Variants in NFATC1 observed in about 807,000 individuals in gnomAD.
NFATC1 encodes the protein nuclear factor of activated T cells 1, also known as nuclear factor of activated T-cells, cytoplasmic 1.
A neutral mutation model predicts 76.0 loss-of-function variants in NFATC1; 22 were observed. The ratio of observed to expected loss-of-function variants is 0.29; its 90% CI spans 0.21 to 0.41. NFATC1 has a LOEUF of 0.41. Ranked by LOEUF, NFATC1 falls within the 10% of genes least tolerant of loss-of-function variation. The pLI is 1.00. For missense variants in NFATC1, 1,357 were observed against 1,337.7 expected (o/e 1.01, Z -0.23); for synonymous variants, 704 against 613.1 (o/e 1.15, Z -2.19).
chr18:79,438,535 G>T (rs1335733452), intron 3 of NFATC1, among the ~76,000 whole-genome samples: 1 of 152,230 alleles, frequency 6.6e-6, no homozygotes, highest in Non-Finnish European at 1.5e-5. Context: ...CATCACACGG[G>T]AGGCCGGGCT....
At chr18:79,408,090 G>A (rs2085504003) in intron 1 of NFATC1, among the ~76,000 whole-genome samples, 1 of 152,212 alleles carries the variant, frequency 6.6e-6, no homozygotes, top group African/African-American at 2.4e-5. Context: ...CTCTTACCAG[G>A]CTGCCGTGCC....
intron 9 of NFATC1, chr18:79,493,479 A>G (rs1403464136): frequency 1.3e-5 from 2 of 152,230 alleles, no homozygotes; most frequent in Middle Eastern, 3.4e-3. Context: ...GGCCTCTGCC[A>G]CGGTCGGCCC....
chr18:79,424,406 C>T (rs1405745465), intron 2 of NFATC1, among the ~76,000 whole-genome samples: 1 of 152,224 alleles, frequency 6.6e-6, no homozygotes, highest in Non-Finnish European at 1.5e-5. Context: ...TGGGGCAGCT[C>T]CAGACACACA....
chr18:79,478,871 C>T (rs1024132678), intron 8 of NFATC1, among the ~76,000 whole-genome samples: 1 of 152,210 alleles, frequency 6.6e-6, no homozygotes, highest in Non-Finnish European at 1.5e-5. Flanking sequence ...ACGGGCCCTC[C>T]GTGCCTTCCA....
chr18:79,450,788 C>T (rs55708448), intron 4 of NFATC1, among the ~76,000 whole-genome samples, 166 bp from the exon 5 acceptor site: 6 of 152,240 alleles, frequency 3.9e-5, no homozygotes, highest in African/African-American at 9.6e-5. Flanking sequence ...AAGGGCCTCA[C>T]GTCGCTGGCT....
chr18:79,526,092 C>T (rs371614736), intron 9 of NFATC1, among the ~76,000 whole-genome samples: 4 of 152,246 alleles, frequency 2.6e-5, no homozygotes, highest in African/African-American at 7.2e-5. Context: ...TTTCTCTCTG[C>T]GTTGTGCCGA....
At chr18:79,397,025 C>T (rs2085030203) in intron 1 of NFATC1, among the ~76,000 whole-genome samples, 1 of 152,226 alleles carries the variant, frequency 6.6e-6, no homozygotes, top group African/African-American at 2.4e-5. Flanking sequence ...AAGTTTCGAG[C>T]TGCTTCTTTA....
chr18:79,418,717 G>C (rs757063683), intron 2 of NFATC1, among the ~76,000 whole-genome samples: 19 of 152,212 alleles, frequency 1.2e-4, no homozygotes, highest in Non-Finnish European at 2.2e-4. Flanking sequence ...TTCTTGAGCC[G>C]CTTCGGTAGC....
At chr18:79,442,001 T>C (rs1291699026) in intron 3 of NFATC1, among the ~76,000 whole-genome samples, 4 of 152,140 alleles carry the variant, frequency 2.6e-5, no homozygotes, top group Non-Finnish European at 5.9e-5. Flanking sequence ...TCCACGTCAG[T>C]GCCCTGGCTC....
chr18:79,434,789 C>T (rs1026221392), intron 3 of NFATC1, among the ~76,000 whole-genome samples: 1 of 152,240 alleles, frequency 6.6e-6, no homozygotes, highest in African/African-American at 2.4e-5. Flanking sequence ...TTTGCCAACG[C>T]AGCAGCCGGC....
At chr18:79,487,660 C>T (rs368434107) in intron 9 of NFATC1, among the ~76,000 whole-genome samples, 6 of 152,210 alleles carry the variant, frequency 3.9e-5, no homozygotes, top group Admixed American at 2.0e-4. Flanking sequence ...GAGTGGTGAC[C>T]GAAGGCGCCG....
intron 9 of NFATC1, among the ~76,000 whole-genome samples, chr18:79,492,698 G>GA (rs1569028088): frequency 6.8e-6 from 1 of 146,480 alleles, no homozygotes. Context: ...GACAGAGCGA[G>GA]ACTCCATCTC....
At chr18:79,467,642 A>G in intron 8 of NFATC1, 60 bp downstream of exon 8, 2 of 1,599,238 alleles carry the variant, frequency 1.3e-6, no homozygotes, top group Non-Finnish European at 1.7e-6. Flanking sequence ...CTTTTTCTAA[A>G]GACGCAGAAA....
intron 1 of NFATC1, among the ~76,000 whole-genome samples, chr18:79,404,503 A>G (rs1026742395): frequency 2.0e-5 from 3 of 152,096 alleles, no homozygotes; most frequent in South Asian, 4.1e-4. Flanking sequence ...TTTATTTCCA[A>G]TACATTCACA....
In NFATC1 at chr18:79,451,976, G is replaced by A. The variant is rs544489309; in HGVS notation, c.1903+160G>A. 87 of 838,706 alleles carry A rather than the reference G, an allele frequency of 1.0e-4. No homozygotes were observed. In the East Asian group the frequency reaches 1.3e-3, roughly 12 times the overall value. The allele number at this position is 838,706 out of a possible 1,614,324, so 52.0% of individuals were successfully genotyped here. A position where few individuals can be genotyped will look rare whatever the true frequency, so the allele number is the denominator to read the frequency against. ...CTCTGCGTGGCCCGTGTCTGCATCC[G>A]GCTGTGGGTTTTTGTGTGAGCCGAC... is the stretch of plus-strand genomic sequence containing the variant. On this transcript the variant is annotated intron_variant, in intron 6 of 9. Transcript: ENST00000427363.
At chr18:79,523,521 T>C (rs1290975301) in intron 9 of NFATC1, among the ~76,000 whole-genome samples, 1 of 152,264 alleles carries the variant, frequency 6.6e-6, no homozygotes, top group Non-Finnish European at 1.5e-5. Flanking sequence ...GCACAGCTAG[T>C]GAGAGCTTGC....
At chr18:79,492,492 G>A (rs11661220) in intron 9 of NFATC1, among the ~76,000 whole-genome samples, 10,359 of 151,788 alleles carry the variant, frequency 0.068, 489 homozygotes, top group Admixed American at 0.1. Flanking sequence ...GGTGGATCAC[G>A]AGGCCAGAAG....
chr18:79,464,682 G>GTGTATATA lies in NFATC1; in HGVS notation c.1960-2767_1960-2766insGTATATAT, dbSNP rs1555911954. On this transcript the variant is annotated intron_variant, in intron 7 of 9. Coordinates refer to ENST00000427363, the MANE Select transcript of NFATC1 (RefSeq NM_001278669.2). ...TGTGTGTGTGTGTGTATATGTATGTGTATATATATATATTTATTTATTTAT... is the reference window on the plus strand; with the variant it reads ...TGTGTGTGTGTGTGTATATGTATGTGTGTATATATATATATATATATTTATTTATTTAT... Among the ~76,000 whole-genome samples, 606 of 100,720 alleles carry GTGTATATA rather than the reference G, an allele frequency of 6.0e-3. 22 individuals are homozygous for GTGTATATA. The highest frequency in any genetic ancestry group is 0.025 in the African/African-American group (536 of 21,748). 66.1% of individuals were successfully genotyped at this position (100,720 alleles called of 152,430 possible).
At chr18:79,429,332 AGACCAGGTGGATGTTG>A (rs1293117618) in intron 2 of NFATC1, among the ~76,000 whole-genome samples, 2 of 151,810 alleles carry the variant, frequency 1.3e-5, no homozygotes, top group Non-Finnish European at 2.9e-5. Context: ...GTCACCATCC[AGACCAGGTGGATGTTG>A]GATGCAAATT....
Sources: gnomAD v4.1 joint callset for allele counts (sites outside exome capture counted in the v4.1 genomes callset) on GRCh38, gnomAD v4.1.1 for gene constraint, MANE v1.5 for transcripts, NCBI Gene and HGNC (gene_info 2026-07-23, HGNC 2026-07-21) for gene names.